The following CEP76 variants were observed in gnomAD, a reference collection of about 807,000 sequenced individuals.
CEP76 encodes the protein centrosomal protein of 76 kDa.
Under a neutral mutation model 83.3 loss-of-function variants are expected in CEP76, and 55 were observed. The observed-to-expected ratio is 0.66, with a 90% confidence interval of 0.53 to 0.83. The LOEUF (loss-of-function observed/expected upper bound fraction) is 0.83. CEP76 is among the 40% of genes least tolerant of loss of function. The pLI is 0.00. For missense variants in CEP76, 694 were observed against 799.5 expected, an observed-to-expected ratio of 0.87 and a Z score of 1.59; for synonymous variants, 270 against 274.5, an observed-to-expected ratio of 0.98 and a Z score of 0.16.
intron 7 of CEP76, among the ~76,000 whole-genome samples, chr18:12,688,096 T>A (rs886085128): frequency 3.3e-5 from 5 of 151,496 alleles, no homozygotes; most frequent in African/African-American, 1.2e-4. Flanking sequence ...ACAAAAAAAA[T>A]TAGCCAGGCA....
intron 12 of CEP76, among the ~76,000 whole-genome samples, chr18:12,666,748 CA>C (rs538321327): frequency 1.1e-3 from 149 of 134,896 alleles, no homozygotes; most frequent in African/African-American, 3.2e-3. Flanking sequence ...CACACCCGGC[CA>C]AAAAAAAAAA....
chr18:12,700,883 C>A (rs1209878666), intron 2 of CEP76, 75 bp downstream of exon 2: 19 of 1,249,264 alleles, frequency 1.5e-5, no homozygotes, highest in Non-Finnish European at 1.9e-5. Flanking sequence ...GGCCCCACAT[C>A]GGAACCTTAT....
chr18:12,673,774 G>A (rs556470881), intron 11 of CEP76, among the ~76,000 whole-genome samples: 30 of 152,210 alleles, frequency 2.0e-4, no homozygotes, highest in Non-Finnish European at 3.7e-4. Context: ...CCAGCTACTT[G>A]GGAGGCTGAG....
intron 11 of CEP76, 95 bp downstream of exon 11, chr18:12,674,441 T>TA (rs34769779): frequency 0.015 from 10,953 of 714,448 alleles, 5 homozygotes; most frequent in Middle Eastern, 0.028. Context: ...GACCTTGAGT[T>TA]AAAAAAAAAA....
chr18:12,698,097 GA>G (rs1034862654), intron 4 of CEP76, among the ~76,000 whole-genome samples: 87 of 149,872 alleles, frequency 5.8e-4, no homozygotes, highest in African/African-American at 1.9e-3. Flanking sequence ...GGAGAAATAA[GA>G]AAAAAAAGAA....
In CEP76 at chr18:12,672,923, ATC is replaced by A. The variant is rs1432782366; in HGVS notation, c.*440_*441del. 49 of 984,120 alleles carry A rather than the reference ATC, an allele frequency of 5.0e-5. No individual in the cohort carries two copies. Among genetic ancestry groups the A allele is most frequent in the Non-Finnish European group, 5.4e-5 (45 of 828,704 alleles). 61.0% of individuals were successfully genotyped at this position (984,120 alleles called of 1,614,324 possible). On this transcript the variant is annotated 3_prime_UTR_variant, in exon 12 of 12. Transcript: ENST00000262127. ...TTATTTTCACCAATGCAATAAATAA[ATC>A]TGTCATGAGGTTAATTTCTCCTAAT... is the stretch of plus-strand genomic sequence containing the variant.
rs752974721 is a variant in CEP76, at chr18:12,691,392, T to C, written c.900A>G (p.Ser300=). ...AAATCTTAACCAGTCGTGAGTTGTG[T>C]GAGGGTCGAATTTGCAAATATTCTC... The part of the protein sequence containing the change: ...WWREYLQIRP[S]HNSRLVKIFA... The change falls in exon 7 of 12, where the codon TCA becomes TCG. Residue 300 remains serine (S), a synonymous_variant. Transcript: ENST00000262127. 2.2e-5 allele frequency: 35 copies of C among 1,607,226 alleles called. 1 individual carries two copies. In the East Asian group the frequency reaches 7.6e-4, roughly 35 times the overall value.
intron 5 of CEP76, among the ~76,000 whole-genome samples, chr18:12,696,589 C>G (rs2039965932): frequency 6.6e-6 from 1 of 152,030 alleles, no homozygotes; most frequent in Admixed American, 6.6e-5. Context: ...GTTTAAAAAC[C>G]AAAGTAATTC....
rs764219084 is a variant in CEP76, at chr18:12,674,769, A to G, written c.1624-16T>C. The G allele has an allele frequency of 2.0e-6, 3 of 1,522,644 alleles. No individual in the cohort carries two copies. Among genetic ancestry groups the G allele is most frequent in the Non-Finnish European group, 2.7e-6 (3 of 1,114,208 alleles). The allele number at this position is 1,522,644 out of a possible 1,614,324, so 94.3% of individuals were successfully genotyped here. ...GGCCAAGATCCTATGAGCAATCAAG[A>G]GAAAAAGAAAAAGTGAAATACATTA... is the stretch of plus-strand genomic sequence containing the variant. On this transcript the variant is annotated splice_polypyrimidine_tract_variant and intron_variant, in intron 10 of 11. Transcript: ENST00000262127.
At position 12,672,922 on chromosome 18, in the gene CEP76, A is replaced by T; in HGVS notation, c.*443T>A. On this transcript the variant is annotated 3_prime_UTR_variant, in exon 12 of 12. Coordinates refer to ENST00000262127, the MANE Select transcript of CEP76 (RefSeq NM_024899.4). ...TTTATTTTCACCAATGCAATAAATA[A>T]ATCTGTCATGAGGTTAATTTCTCCT... 1.0e-6 allele frequency: 1 copy of T among 984,354 alleles called. No individual in the cohort carries two copies. The highest frequency in any genetic ancestry group is 1.2e-6 in the Non-Finnish European group (1 of 828,786). 61.0% of individuals were successfully genotyped at this position (984,354 alleles called of 1,614,324 possible). A position where few individuals can be genotyped will look rare whatever the true frequency, so the allele number is the denominator to read the frequency against.
chr18:12,666,111 G>C (rs1347235244), intron 12 of CEP76, among the ~76,000 whole-genome samples: 2 of 147,316 alleles, frequency 1.4e-5, no homozygotes, highest in African/African-American at 5.0e-5. Context: ...GATGCCAGAA[G>C]TTCAAGACCA....
Position 12,686,319 on chromosome 18 carries a change from T to A in CEP76, c.1065A>T (p.Gly355=). 1 of 1,614,068 alleles carries A rather than the reference T, an allele frequency of 6.2e-7. No individual in the cohort carries two copies. The highest frequency in any genetic ancestry group is 1.1e-5 in the South Asian group (1 of 91,074). The part of the protein sequence containing the change: ...VLGYERAPVI[G]GGGKQEQWCT... Reference sequence around the variant, plus strand: ...ACCACTGCTCCTGTTTACCTCCTCCTCCAATAACAGGGGCTCGTTCATAAC... The same window carrying A: ...ACCACTGCTCCTGTTTACCTCCTCCACCAATAACAGGGGCTCGTTCATAAC... Residue 355 remains glycine, a synonymous_variant, in exon 8 of 12, where the codon GGA becomes GGT. Coordinates refer to ENST00000262127, the MANE Select transcript of CEP76 (RefSeq NM_024899.4).
chr18:12,668,597 CAAAAAA>C (rs752216074), downstream of CEP76, among the ~76,000 whole-genome samples: 13 of 72,824 alleles, frequency 1.8e-4, no homozygotes, highest in East Asian at 1.1e-3. Flanking sequence ...GATTCCATCT[CAAAAAA>C]AAAAAAAAAA....
At position 12,672,824 on chromosome 18, in the gene CEP76, A is replaced by G. The variant is rs2038981708; in HGVS notation, c.*541T>C. The stretch of plus-strand genomic sequence containing the variant: ...TTTCCTACTCTTGCTTCAAGGTCCA[A>G]CCATAAATTTCTGGACAGTCTCAAA... On this transcript the variant is annotated 3_prime_UTR_variant, in exon 12 of 12. Coordinates refer to ENST00000262127, the MANE Select transcript of CEP76 (RefSeq NM_024899.4). 1.0e-6 allele frequency: 1 copy of G among 984,290 alleles called. No individual in the cohort carries two copies. The highest frequency in any genetic ancestry group is 1.2e-6 in the Non-Finnish European group (1 of 828,860). 61.0% of individuals were successfully genotyped at this position (984,290 alleles called of 1,614,324 possible).
rs1334655614 is a variant in CEP76 at position 12,691,378 on chromosome 18, A to T, written c.914T>A (p.Leu305Gln). ...LQIRPSHNSR[L>Q]VKIFAQDENG... ...ACAAACCTGTGCAAAAATCTTAACC[A>T]GTCGTGAGTTGTGTGAGGGTCGAAT... Residue 305 changes from leucine (L) to glutamine (Q), a missense_variant, in exon 7 of 12, where the codon CTG becomes CAG. Coordinates refer to ENST00000262127, the MANE Select transcript of CEP76 (RefSeq NM_024899.4). 6 of 1,580,114 alleles carry T rather than the reference A, an allele frequency of 3.8e-6. No individual in the cohort carries two copies. The highest frequency in any genetic ancestry group is 5.2e-6 in the Non-Finnish European group (6 of 1,164,118).
chr18:12,698,395 C>T (rs548742073), intron 4 of CEP76, among the ~76,000 whole-genome samples: 1 of 152,238 alleles, frequency 6.6e-6, no homozygotes, highest in African/African-American at 2.4e-5. Flanking sequence ...TCTCAAACTC[C>T]TGACCTCAGG....
chr18:12,698,956 G>T (rs528412194), intron 4 of CEP76, 23 bp downstream of exon 4: 2 of 1,471,244 alleles, frequency 1.4e-6, no homozygotes, highest in African/African-American at 1.4e-5. Flanking sequence ...TCAATTAAAT[G>T]ACAATTTATT....
At chr18:12,676,326 C>T (rs1368882625) in intron 10 of CEP76, among the ~76,000 whole-genome samples, 1 of 148,864 alleles carries the variant, frequency 6.7e-6, no homozygotes, top group Non-Finnish European at 1.5e-5. Context: ...CTCTGTCACC[C>T]AGGCTGGAGT....
At chr18:12,697,479 T>C (rs995784416) in intron 4 of CEP76, 71 bp from the exon 5 acceptor site, 7 of 995,262 alleles carry the variant, frequency 7.0e-6, no homozygotes, top group Non-Finnish European at 8.7e-6. Flanking sequence ...AGAATACTTT[T>C]ATTAAACAGT....
Sources: allele counts gnomAD v4.1 joint callset (sites outside exome capture counted in the v4.1 genomes callset), GRCh38; gene constraint gnomAD v4.1.1; transcripts MANE v1.5; gene names NCBI Gene and HGNC (gene_info 2026-07-23, HGNC 2026-07-21).